Variants in SOX6 observed in about 807,000 individuals in gnomAD.
The protein encoded by SOX6 is SRY-box transcription factor 6, also known as transcription factor SOX-6.
Under a neutral mutation model 97.8 loss-of-function variants are expected in SOX6, and 11 were observed. The ratio of observed to expected loss-of-function variants is 0.11; its 90% CI spans 0.07 to 0.19. The LOEUF (loss-of-function observed/expected upper bound fraction) is 0.19. Ranked by LOEUF, SOX6 falls within the 10% of genes least tolerant of loss-of-function variation. The pLI, the probability that SOX6 is intolerant of heterozygous loss-of-function variation, is 1.00. For synonymous variants in SOX6, 360 were observed against 371.4 expected (o/e 0.97, Z 0.35); for missense variants, 810 against 1,039.5 (o/e 0.78, Z 3.04).
At chr11:16,695,290 AG>A (rs1294059895) in intron 3 of SOX6, among the ~76,000 whole-genome samples, 1 of 152,272 alleles carries the variant, frequency 6.6e-6, no homozygotes, top group African/African-American at 2.4e-5. Context: ...TAGCAAATCT[AG>A]AAATGAAAAA....
At chr11:16,285,821 G>A (rs1854719615) in intron 3 of SOX6, among the ~76,000 whole-genome samples, 1 of 152,042 alleles carries the variant, frequency 6.6e-6, no homozygotes, top group South Asian at 2.1e-4. Context: ...TGCTATGGCA[G>A]GAAAACCACC....
intron 3 of SOX6, among the ~76,000 whole-genome samples, chr11:16,670,991 G>A (rs1338586416): frequency 6.6e-6 from 1 of 151,928 alleles, no homozygotes; most frequent in Non-Finnish European, 1.5e-5. Flanking sequence ...ATACATCTAA[G>A]TGTCACCTAC....
chr11:16,311,448 A>G (rs1855600014), intron 3 of SOX6: 1 of 152,190 alleles, frequency 6.6e-6, no homozygotes, highest in African/African-American at 2.4e-5. Flanking sequence ...CCAAAGTCAC[A>G]CAACCAGGAA....
intron 3 of SOX6, chr11:16,312,004 A>G (rs893407331): frequency 2.0e-4 from 31 of 152,310 alleles, no homozygotes; most frequent in Admixed American, 1.8e-3. Flanking sequence ...TCCATTGGAA[A>G]GCCTGTCCCA....
chr11:16,191,843 TTTTTTTTTTC>T (rs1488202349), intron 4 of SOX6, among the ~76,000 whole-genome samples: 111 of 137,864 alleles, frequency 8.1e-4, no homozygotes, highest in African/African-American at 2.6e-3. Context: ...TGCAGCAGGG[TTTTTTTTTTC>T]TTTTTTTTCT....
intron 2 of SOX6, among the ~76,000 whole-genome samples, chr11:16,722,879 G>T (rs1240441390): frequency 6.6e-6 from 1 of 152,176 alleles, no homozygotes; most frequent in Admixed American, 6.5e-5. Context: ...CTGCTGGTGG[G>T]AGCGTAAATT....
chr11:16,334,091 A>G (rs1856389629), intron 2 of SOX6, among the ~76,000 whole-genome samples: 1 of 152,140 alleles, frequency 6.6e-6, no homozygotes, highest in Admixed American at 6.5e-5. Context: ...TCAGTGCACT[A>G]CAAACCCTAG....
At chr11:16,619,466 A>T (rs1192071724) in intron 3 of SOX6, among the ~76,000 whole-genome samples, 4 of 152,016 alleles carry the variant, frequency 2.6e-5, no homozygotes, top group African/African-American at 7.2e-5. Flanking sequence ...AAACCAAATA[A>T]ATTCTAATTT....
At chr11:16,029,647 C>CAA (rs1037892628) in intron 12 of SOX6, among the ~76,000 whole-genome samples, 2 of 141,000 alleles carry the variant, frequency 1.4e-5, no homozygotes, top group African/African-American at 5.2e-5. Flanking sequence ...AAAAAAAAAA[C>CAA]AAAAAAAAAA....
intron 13 of SOX6, among the ~76,000 whole-genome samples, chr11:16,010,125 TACACACACACACACACACACACACAC>T (rs67556517): frequency 1.5e-5 from 2 of 135,498 alleles, no homozygotes; most frequent in Non-Finnish European, 1.6e-5. Context: ...CAGTTGGAGC[TACACACACACACACACACACACACAC>T]ACACACACAC....
intron 1 of SOX6, among the ~76,000 whole-genome samples, chr11:16,381,387 T>G (rs989291726): frequency 6.6e-6 from 1 of 152,040 alleles, no homozygotes; most frequent in Admixed American, 6.6e-5. Flanking sequence ...TGATAGAGCA[T>G]CAACAAATTC....
intron 4 of SOX6, among the ~76,000 whole-genome samples, chr11:16,567,561 CTTT>C (rs59320140): frequency 1.1e-5 from 1 of 87,322 alleles, no homozygotes; most frequent in African/African-American, 4.1e-5. Flanking sequence ...ATATTTTTTT[CTTT>C]TTTTTTTTTT....
intron 4 of SOX6, among the ~76,000 whole-genome samples, chr11:16,232,700 T>C (rs1565036069): frequency 6.6e-6 from 1 of 152,122 alleles, no homozygotes; most frequent in African/African-American, 2.4e-5. Flanking sequence ...AGGACCCTCA[T>C]CTTTCATGCT....
chr11:16,482,243 A>T (rs1166222123), intron 4 of SOX6, among the ~76,000 whole-genome samples: 1 of 152,212 alleles, frequency 6.6e-6, no homozygotes, highest in Non-Finnish European at 1.5e-5. Flanking sequence ...GGAATCTAAA[A>T]ATTGAATATC....
rs117551262 is a variant in SOX6, at chr11:16,261,477, A to G, written c.446-26806T>C. On this transcript the variant is annotated intron_variant, in intron 3 of 15. Transcript: ENST00000683767. The stretch of plus-strand genomic sequence containing the variant: ...TTAGAGCACCACAGAAAACATTTCA[A>G]AGGGAGTACTGGTAGTAGTAGAGAG... Among the ~76,000 whole-genome samples, 54 of 152,222 alleles carry G rather than the reference A, an allele frequency of 3.5e-4. No individual in the cohort carries two copies. The East Asian group carries it at 9.6e-3, about 27-fold the overall frequency.
chr11:16,581,462 G>A (rs1848031473), intron 4 of SOX6, among the ~76,000 whole-genome samples: 1 of 152,080 alleles, frequency 6.6e-6, no homozygotes, highest in Non-Finnish European at 1.5e-5. Context: ...GGTGGAAGGG[G>A]AGGGAGAGCT....
intron 3 of SOX6, among the ~76,000 whole-genome samples, chr11:16,277,607 A>T (rs1165041444): frequency 1.3e-5 from 2 of 152,230 alleles, no homozygotes; most frequent in East Asian, 3.8e-4. Flanking sequence ...CAAGTACTTA[A>T]CAAAAGATAA....
At chr11:16,424,682 G>T (rs1859089929) in intron 1 of SOX6, among the ~76,000 whole-genome samples, 1 of 152,170 alleles carries the variant, frequency 6.6e-6, no homozygotes, top group African/African-American at 2.4e-5. Context: ...ACTATGGATG[G>T]AATTCCTAGA....
At chr11:16,346,785 T>C (rs376104547) in intron 1 of SOX6, among the ~76,000 whole-genome samples, 1 of 152,010 alleles carries the variant, frequency 6.6e-6, no homozygotes, top group East Asian at 1.9e-4. Flanking sequence ...GTCAAATCAA[T>C]GGAGATGAGG....
Sources: gnomAD v4.1 joint callset for allele counts (sites outside exome capture counted in the v4.1 genomes callset) on GRCh38, gnomAD v4.1.1 for gene constraint, MANE v1.5 for transcripts, NCBI Gene and HGNC (gene_info 2026-07-23, HGNC 2026-07-21) for gene names.